The following PRKCA variants were observed in gnomAD, a reference collection of about 807,000 sequenced individuals.
PRKCA encodes protein kinase C alpha type.
PRKCA carries 27 observed loss-of-function variants against 87.0 expected under a neutral mutation model. The observed-to-expected ratio is 0.31, with a 90% CI of 0.23 to 0.43. The LOEUF is 0.43. Ranked by LOEUF, PRKCA falls within the 20% of genes least tolerant of loss-of-function variation. The probability of loss-of-function intolerance (pLI) is 1.00; values close to 1 mark genes in which losing one functional copy is unlikely to be tolerated. For missense variants in PRKCA, 518 were observed against 852.3 expected, an observed-to-expected ratio of 0.61 and a Z score of 4.88; for synonymous variants, 329 against 311.1, an observed-to-expected ratio of 1.06 and a Z score of -0.61.
At chr17:66,674,520 A>G (rs1972273303) in intron 5 of PRKCA, among the ~76,000 whole-genome samples, 1 of 152,218 alleles carries the variant, frequency 6.6e-6, no homozygotes, top group African/African-American at 2.4e-5. Flanking sequence ...AATATTTAGC[A>G]TATAGAACCA....
chr17:66,318,768 T>A (rs529529732), intron 2 of PRKCA, among the ~76,000 whole-genome samples: 2 of 152,004 alleles, frequency 1.3e-5, no homozygotes, highest in African/African-American at 4.8e-5. Context: ...GGCAGGAGAA[T>A]TGCTTGAACC....
intron 2 of PRKCA, chr17:66,339,641 A>G (rs1906919576): frequency 6.6e-6 from 1 of 152,244 alleles, no homozygotes; most frequent in African/African-American, 2.4e-5. Context: ...AGAAAGAAAT[A>G]TAACAGCTGT....
chr17:66,378,670 C>T (rs544035674), intron 2 of PRKCA, among the ~76,000 whole-genome samples: 81 of 152,190 alleles, frequency 5.3e-4, no homozygotes, highest in African/African-American at 1.9e-3. Context: ...GAGACCAAGG[C>T]GGGCAAATCA....
At chr17:66,695,774 G>A (rs759454227) in intron 8 of PRKCA, among the ~76,000 whole-genome samples, 3 of 152,114 alleles carry the variant, frequency 2.0e-5, no homozygotes, top group Non-Finnish European at 4.4e-5. Context: ...AGCACACCTG[G>A]GGCTTTGTCT....
At chr17:66,795,802 AAAGACC>A (rs1975652016) in intron 16 of PRKCA, among the ~76,000 whole-genome samples, 1 of 152,226 alleles carries the variant, frequency 6.6e-6, no homozygotes, top group Non-Finnish European at 1.5e-5. Context: ...CCATTAACAT[AAAGACC>A]AAATGGAGTA....
At chr17:66,407,789 CA>C (rs1463054560) in intron 2 of PRKCA, among the ~76,000 whole-genome samples, 1 of 151,732 alleles carries the variant, frequency 6.6e-6, no homozygotes, top group Non-Finnish European at 1.5e-5. Flanking sequence ...TTTTATGGTT[CA>C]TTAACAGAAT....
At chr17:66,590,611 G>A (rs747666684) in intron 3 of PRKCA, among the ~76,000 whole-genome samples, 5 of 152,184 alleles carry the variant, frequency 3.3e-5, no homozygotes, top group Non-Finnish European at 7.3e-5. Flanking sequence ...CACTTTGGGA[G>A]GCCAAGGTGT....
In PRKCA at chr17:66,322,559, C is replaced by T. The variant is rs1187067351; in HGVS notation, c.205+16432C>T. Among the ~76,000 whole-genome samples, 35 of 151,988 alleles carry T rather than the reference C, an allele frequency of 2.3e-4. 2 individuals carry two copies. The highest frequency in any genetic ancestry group is 2.2e-3 in the Admixed American group (34 of 15,254). On this transcript the variant is annotated intron_variant, in intron 2 of 16. Coordinates refer to ENST00000413366, the MANE Select transcript of PRKCA (RefSeq NM_002737.3). The stretch of plus-strand genomic sequence containing the variant: ...CTCACTGCAGCCTCCAACTCCTAGC[C>T]TCAAGAAACCCTCCCACCTTAGCCA...
Position 66,368,052 on chromosome 17 carries a change from A to G in PRKCA, c.205+61925A>G, listed in dbSNP as rs145143057. 3.1e-3 allele frequency among the ~76,000 whole-genome samples: 468 copies of G among 152,284 alleles called. 1 individual carries two copies. The highest frequency in any genetic ancestry group is 0.011 in the African/African-American group (454 of 41,544). On this transcript the variant is annotated intron_variant, in intron 2 of 16. Transcript: ENST00000413366. Reference sequence around the variant, plus strand: ...TGAGAGGTACTTGGCAGATTGGTCAATACTGTGAACTCAGAACTCCAACCG... The same window carrying G: ...TGAGAGGTACTTGGCAGATTGGTCAGTACTGTGAACTCAGAACTCCAACCG...
intron 3 of PRKCA, among the ~76,000 whole-genome samples, chr17:66,611,100 A>G (rs1970349810): frequency 6.6e-6 from 1 of 152,168 alleles, no homozygotes; most frequent in South Asian, 2.1e-4. Flanking sequence ...AGATTTTAGA[A>G]TCTCTGGGCC....
At chr17:66,499,831 C>A (rs1368192100) in intron 3 of PRKCA, among the ~76,000 whole-genome samples, 1 of 152,098 alleles carries the variant, frequency 6.6e-6, no homozygotes, top group Non-Finnish European at 1.5e-5. Flanking sequence ...TCCTGCCTGC[C>A]TGGTTCACAA....
At chr17:66,693,857 A>G (rs1972846117) in intron 8 of PRKCA, among the ~76,000 whole-genome samples, 2 of 152,204 alleles carry the variant, frequency 1.3e-5, no homozygotes, top group African/African-American at 2.4e-5. Flanking sequence ...TTACAAAAAC[A>G]GGTGGCAGAC....
chr17:66,673,136 T>C lies in PRKCA; in HGVS notation c.530-13975T>C, dbSNP rs140311001. On this transcript the variant is annotated intron_variant, in intron 5 of 16. Transcript: ENST00000413366. ...ATTTTCTTTTGAAACATCAGAATTATAGAACTTTAATGTAAAATTTTATGT... is the reference window on the plus strand; with the variant it reads ...ATTTTCTTTTGAAACATCAGAATTACAGAACTTTAATGTAAAATTTTATGT... 2.7e-3 allele frequency among the ~76,000 whole-genome samples: 416 copies of C among 152,346 alleles called. 2 individuals carry two copies. The highest frequency in any genetic ancestry group is 9.5e-3 in the African/African-American group (396 of 41,572).
At chr17:66,527,618 C>T (rs541953048) in intron 3 of PRKCA, among the ~76,000 whole-genome samples, 2 of 152,346 alleles carry the variant, frequency 1.3e-5, no homozygotes, top group East Asian at 1.9e-4. Flanking sequence ...AACCTCCTCC[C>T]GTCAGCTCTG....
chr17:66,614,157 C>T (rs1043756164), intron 3 of PRKCA, among the ~76,000 whole-genome samples: 2 of 152,198 alleles, frequency 1.3e-5, no homozygotes, highest in East Asian at 1.9e-4. Flanking sequence ...TCACTCTCTC[C>T]GATTCCAGCT....
intron 5 of PRKCA, among the ~76,000 whole-genome samples, chr17:66,683,341 C>T (rs1481572410): frequency 6.6e-6 from 1 of 152,158 alleles, no homozygotes; most frequent in African/African-American, 2.4e-5. Flanking sequence ...TGTGCTAGGC[C>T]AGGGAGCACA....
At chr17:66,448,240 C>T (rs192102681) in intron 2 of PRKCA, among the ~76,000 whole-genome samples, 54 of 152,198 alleles carry the variant, frequency 3.5e-4, no homozygotes, top group African/African-American at 1.3e-3. Flanking sequence ...CTTAGGAAAA[C>T]GTGGATCATT....
At chr17:66,636,609 A>G (rs1241860825) in intron 3 of PRKCA, among the ~76,000 whole-genome samples, 2 of 152,320 alleles carry the variant, frequency 1.3e-5, no homozygotes, top group East Asian at 3.9e-4. Flanking sequence ...CCAAGTCACT[A>G]AAGTATTTTG....
chr17:66,735,918 TTC>T (rs1444522830), intron 10 of PRKCA, among the ~76,000 whole-genome samples: 5 of 122,994 alleles, frequency 4.1e-5, no homozygotes, highest in East Asian at 2.6e-4. Context: ...CTTTCTTTCT[TTC>T]TTTTTTTTTT....
Sources: allele counts gnomAD v4.1 joint callset (sites outside exome capture counted in the v4.1 genomes callset), GRCh38; gene constraint gnomAD v4.1.1; transcripts MANE v1.5; gene names NCBI Gene and HGNC (gene_info 2026-07-23, HGNC 2026-07-21).